CR1: variants seen among roughly 807,000 people sequenced by gnomAD.
CR1 encodes the protein complement C3b/C4b receptor 1 (Knops blood group), also known as complement receptor type 1.
A neutral mutation model predicts 187.3 loss-of-function variants in CR1; 116 were observed. The ratio of observed to expected loss-of-function variants is 0.62; its 90% CI spans 0.53 to 0.72. CR1 has a LOEUF of 0.72. CR1 is among the 30% of genes least tolerant of loss of function. CR1 has a pLI of 0.00. For synonymous variants in CR1, 576 were observed against 747.1 expected (o/e 0.77, Z 3.73); for missense variants, 1,731 against 2,110.7 (o/e 0.82, Z 3.52).
chr1:207,503,289 A>G (rs1176918733), intron 1 of CR1, among the ~76,000 whole-genome samples: 1 of 152,220 alleles, frequency 6.6e-6, no homozygotes, highest in South Asian at 2.1e-4. Flanking sequence ...TCAAGATTCA[A>G]TCTATGAACC....
At chr1:207,592,745 A>G in intron 35 of CR1, among the ~76,000 whole-genome samples, 1 of 152,224 alleles carries the variant, frequency 6.6e-6, no homozygotes, top group East Asian at 1.9e-4. Flanking sequence ...ACTTCAGCAA[A>G]GTCTCAGGAT....
intron 45 of CR1, among the ~76,000 whole-genome samples, chr1:207,625,981 C>T (rs1662468891): frequency 1.3e-5 from 2 of 152,172 alleles, no homozygotes; most frequent in Admixed American, 1.3e-4. Context: ...TCTCCTAATC[C>T]TAATCTCTTG....
In CR1 at chr1:207,582,582, A is replaced by C. The variant is rs117321637; in HGVS notation, c.5302+579A>C. ...AGTCAGTGCTGTCAATTGAGAATGT[A>C]GCTGAGGACCCAAAAGGCAAGTGTA... is the stretch of plus-strand genomic sequence containing the variant. On this transcript the variant is annotated intron_variant, in intron 32 of 46. Coordinates refer to ENST00000367049, the MANE Select transcript of CR1 (RefSeq NM_000651.6). Among the ~76,000 whole-genome samples the C allele has an allele frequency of 4.6e-5, 7 of 152,362 alleles. No homozygotes were observed. In the East Asian group the frequency reaches 1.2e-3, roughly 25 times the overall value.
At chr1:207,564,611 G>A (rs1660431806) in intron 23 of CR1, among the ~76,000 whole-genome samples, 1 of 149,996 alleles carries the variant, frequency 6.7e-6, no homozygotes, top group African/African-American at 2.5e-5. Flanking sequence ...GACCAGCCTG[G>A]ACAACATGGT....
chr1:207,573,484 T>G (rs568300992), intron 27 of CR1, among the ~76,000 whole-genome samples: 3 of 152,024 alleles, frequency 2.0e-5, no homozygotes, highest in African/African-American at 7.2e-5. Context: ...CTCTATGGCA[T>G]GAAGCAGAAA....
At chr1:207,506,968 C>A in intron 3 of CR1, 155 bp downstream of exon 3, 1 of 618,192 alleles carries the variant, frequency 1.6e-6, no homozygotes, top group Non-Finnish European at 2.8e-6. Context: ...CTGAAATGAG[C>A]AAAGGTATGA....
intron 4 of CR1, among the ~76,000 whole-genome samples, chr1:207,512,419 T>C (rs6540435): frequency 0.2 from 30,303 of 152,230 alleles, 3,308 homozygotes; most frequent in South Asian, 0.44. Context: ...ATGTATTTTA[T>C]GTGGAAAAAG....
At chr1:207,580,146 C>T in intron 29 of CR1, 94 bp from the exon 30 acceptor site, 3 of 1,528,804 alleles carry the variant, frequency 2.0e-6, no homozygotes, top group Non-Finnish European at 2.6e-6. Context: ...GAATTGGGTT[C>T]TATTTCTCTA....
chr1:207,627,208 C>T (rs1388793357), intron 45 of CR1, among the ~76,000 whole-genome samples: 1 of 152,148 alleles, frequency 6.6e-6, no homozygotes, highest in Non-Finnish European at 1.5e-5. Context: ...CCCCCACATT[C>T]CTAGTCTCTC....
At chr1:207,518,051 AATTT>A (rs1166664942) in intron 4 of CR1, among the ~76,000 whole-genome samples, 8 of 152,232 alleles carry the variant, frequency 5.3e-5, no homozygotes, top group Non-Finnish European at 5.9e-5. Context: ...GATACTAATT[AATTT>A]GTTTCCAACC....
At chr1:207,520,833 G>T (rs1265572538) in intron 4 of CR1, among the ~76,000 whole-genome samples, 1 of 151,796 alleles carries the variant, frequency 6.6e-6, no homozygotes, top group South Asian at 2.1e-4. Context: ...TCCTCTGAAG[G>T]TTATTGTCCA....
chr1:207,618,015 A>G, intron 41 of CR1, 56 bp from the exon 42 acceptor site: 3 of 1,563,332 alleles, frequency 1.9e-6, no homozygotes, highest in Non-Finnish European at 2.6e-6. Context: ...ATGTATTCAT[A>G]TGTCTATGTT....
intron 27 of CR1, among the ~76,000 whole-genome samples, chr1:207,574,032 C>A (rs543650079): frequency 4.2e-4 from 64 of 152,280 alleles, no homozygotes; most frequent in African/African-American, 1.2e-3. Flanking sequence ...AGGCAGGAGA[C>A]TAAAGTGGGA....
At chr1:207,604,718 T>G (rs1661697019) in intron 35 of CR1, among the ~76,000 whole-genome samples, 1 of 152,226 alleles carries the variant, frequency 6.6e-6, no homozygotes, top group African/African-American at 2.4e-5. Flanking sequence ...TAACATCCCT[T>G]CTGTTTTTGT....
chr1:207,504,311 A>C (rs1659362427), intron 1 of CR1, among the ~76,000 whole-genome samples: 1 of 152,256 alleles, frequency 6.6e-6, no homozygotes, highest in Non-Finnish European at 1.5e-5. Flanking sequence ...TAAACAAAGT[A>C]GAATTTTAGG....
At chr1:207,612,098 G>T in intron 39 of CR1, 57 bp downstream of exon 39, 1 of 1,546,074 alleles carries the variant, frequency 6.5e-7, no homozygotes, top group South Asian at 1.1e-5. Context: ...ACTCTCTTGA[G>T]ATCAGGGGTT....
chr1:207,578,314 G>A, intron 29 of CR1, 111 bp downstream of exon 29: 1 of 1,587,586 alleles, frequency 6.3e-7, no homozygotes, highest in Non-Finnish European at 8.6e-7. Flanking sequence ...GGGTGGGAAA[G>A]TAAGTTTTGG....
chr1:207,510,977 A>C (rs1395728650), intron 3 of CR1, among the ~76,000 whole-genome samples: 1 of 151,712 alleles, frequency 6.6e-6, no homozygotes, highest in African/African-American at 2.4e-5. Flanking sequence ...ATGTGCCACC[A>C]CGCCTGGCTT....
chr1:207,526,094 C>A (rs1660161308), intron 5 of CR1, among the ~76,000 whole-genome samples: 1 of 152,080 alleles, frequency 6.6e-6, no homozygotes, highest in Admixed American at 6.5e-5. Context: ...TATACACTCT[C>A]ATCATGGTGA....
Sources: allele counts gnomAD v4.1 joint callset (sites outside exome capture counted in the v4.1 genomes callset), GRCh38; gene constraint gnomAD v4.1.1; transcripts MANE v1.5; gene names NCBI Gene and HGNC (gene_info 2026-07-23, HGNC 2026-07-21).